The following NOS1 variants were observed in gnomAD, a reference collection of about 807,000 sequenced individuals.
NOS1 encodes NOS type I.
NOS1 carries 51 observed loss-of-function variants against 164.5 expected under a neutral mutation model. The ratio of observed to expected loss-of-function variants is 0.31; its 90% CI spans 0.25 to 0.39. NOS1 has a LOEUF of 0.39. Among genes scored for constraint, NOS1 ranks in the 10% least tolerant of loss-of-function variants. The probability of loss-of-function intolerance (pLI) is 1.00; values close to 1 mark genes in which losing one functional copy is unlikely to be tolerated. For missense variants in NOS1, 1,362 were observed against 1,885.6 expected (o/e 0.72, Z 5.14); for synonymous variants, 719 against 745.8 (o/e 0.96, Z 0.59).
chr12:117,346,581 G>T (rs1876361243), intron 1 of NOS1, among the ~76,000 whole-genome samples: 1 of 152,194 alleles, frequency 6.6e-6, no homozygotes, highest in African/African-American at 2.4e-5. Context: ...CTAATGCTTT[G>T]CTACCCAAAG....
chr12:117,337,104 C>CTATTTT lies in NOS1; in HGVS notation c.-420-5616_-420-5615insAAAATA, dbSNP rs1566082153. ...AGCCACTGTACCCAGCTGCTTTTTA[C>CTATTTT]TCTTTTTTTTTTTTTTTTTTTTTTT... is the stretch of plus-strand genomic sequence containing the variant. On this transcript the variant is annotated intron_variant, in intron 1 of 28. Coordinates refer to ENST00000317775, the MANE Select transcript of NOS1 (RefSeq NM_000620.5). Among the ~76,000 whole-genome samples the CTATTTT allele has an allele frequency of 7.4e-5, 7 of 94,072 alleles. 1 individual carries two copies. Among genetic ancestry groups the CTATTTT allele is most frequent in the African/African-American group, 7.8e-5 (2 of 25,536 alleles). The allele number at this position is 94,072 out of a possible 152,430, so 61.7% of individuals were successfully genotyped here.
In NOS1 at chr12:117,356,741, T is replaced by C. The variant is rs1441063431; in HGVS notation, c.-421+4771A>G. Among the ~76,000 whole-genome samples, 3 of 152,236 alleles carry C rather than the reference T, an allele frequency of 2.0e-5. No homozygotes were observed. The highest frequency in any genetic ancestry group is 4.8e-5 in the African/African-American group (2 of 41,456). ...GTCCACTATACCCTGTTAACCATAC[T>C]TGAATTAGAGACTTAGGGGCACTTT... is the stretch of plus-strand genomic sequence containing the variant. On this transcript the variant is annotated intron_variant, in intron 1 of 28. Coordinates refer to ENST00000317775, the MANE Select transcript of NOS1 (RefSeq NM_000620.5). The surrounding 1 kb of genome is among the most constrained non-coding windows in gnomAD (Gnocchi z 4.2).
Position 117,330,695 on chromosome 12 carries a change from G to C in NOS1, c.375C>G (p.Pro125=). The change falls in exon 2 of 29, where the codon CCC becomes CCG. Residue 125 remains proline (P), a synonymous_variant. Transcript: ENST00000317775. This position sits in a 1 kb window ranked among gnomAD's most constrained non-coding sequence, Gnocchi z 4.6. Reference sequence around the variant, plus strand: ...CCACGGCTTTGGTGGGGGGACCCAGGGGCTGTGTCACCCGGATGGTCTTGG... The same window carrying C: ...CCACGGCTTTGGTGGGGGGACCCAGCGGCTGTGTCACCCGGATGGTCTTGG... ...GTPKTIRVTQ[P]LGPPTKAVDL... is the part of the protein sequence containing the mutation. 6.2e-7 allele frequency: 1 copy of C among 1,613,760 alleles called. No individual in the cohort carries two copies. The highest frequency in any genetic ancestry group is 8.5e-7 in the Non-Finnish European group (1 of 1,179,844).
chr12:117,282,404 A>G (rs1370754904), intron 7 of NOS1, among the ~76,000 whole-genome samples: 4 of 152,126 alleles, frequency 2.6e-5, no homozygotes, highest in Admixed American at 6.5e-5. Context: ...CTCTTCTCAC[A>G]TATACATTTC....
At chr12:117,259,208 A>C in intron 14 of NOS1, 78 bp from the exon 15 acceptor site, 1 of 938,178 alleles carries the variant, frequency 1.1e-6, no homozygotes, top group Non-Finnish European at 1.7e-6. Context: ...GAGAGACAAA[A>C]AGTGATGGGG....
chr12:117,328,249 C>A (rs1321949506), intron 2 of NOS1, among the ~76,000 whole-genome samples: 1 of 152,182 alleles, frequency 6.6e-6, no homozygotes, highest in African/African-American at 2.4e-5. Flanking sequence ...CGGCTCACTG[C>A]AACCTCTGTC....
Position 117,215,300 on chromosome 12 carries a change from AG to A in NOS1, c.*8del. ...CAAAACTTGCAGCCGGCTGGGCAAG[AG>A]GGTCCAGTTAGGAGCTGAAAACCCT... On this transcript the variant is annotated 3_prime_UTR_variant, in exon 29 of 29. Transcript: ENST00000317775. 1.3e-6 allele frequency: 2 copies of A among 1,556,474 alleles called. No homozygotes were observed. The highest frequency in any genetic ancestry group is 1.2e-5 in the South Asian group (1 of 81,794).
chr12:117,301,249 T>C (rs1044494705), intron 3 of NOS1, among the ~76,000 whole-genome samples: 2 of 152,138 alleles, frequency 1.3e-5, no homozygotes, highest in Admixed American at 6.5e-5. Flanking sequence ...TGCCTCAGCC[T>C]CCCAAGTAGC....
chr12:117,225,036 T>C lies in NOS1; in HGVS notation c.3806A>G (p.Gln1269Arg). Residue 1269 changes from glutamine to arginine, a missense_variant, in exon 25 of 29, where the codon CAA becomes CGA. Transcript: ENST00000317775. ...CCCACCTTTGTGTTGGATATCAAATTGCCGCTGTTGCCAGAAGCTTCGGAA... is the reference window on the plus strand; with the variant it reads ...CCCACCTTTGTGTTGGATATCAAATCGCCGCTGTTGCCAGAAGCTTCGGAA... ...APFRSFWQQR[Q>R]FDIQHKGMNP... 1 of 1,614,170 alleles carries C rather than the reference T, an allele frequency of 6.2e-7. No homozygotes were observed. The highest frequency in any genetic ancestry group is 2.2e-5 in the East Asian group (1 of 44,880).
chr12:117,265,271 G>A (rs1486273938), intron 12 of NOS1, 45 bp downstream of exon 12: 3 of 1,471,554 alleles, frequency 2.0e-6, no homozygotes, highest in Non-Finnish European at 1.8e-6. Flanking sequence ...ACACACACCA[G>A]ATACAGGACA....
chr12:117,295,865 G>A (rs1214637224), intron 3 of NOS1, among the ~76,000 whole-genome samples: 1 of 151,446 alleles, frequency 6.6e-6, no homozygotes, highest in African/African-American at 2.4e-5. Flanking sequence ...CTGACCTCAG[G>A]TGATCTGCCC....
In NOS1 at chr12:117,321,096, G is replaced by A. The variant is rs538502684; in HGVS notation, c.725+9249C>T. On this transcript the variant is annotated intron_variant, in intron 2 of 28. Coordinates refer to ENST00000317775, the MANE Select transcript of NOS1 (RefSeq NM_000620.5). ...ACGGTCTCGGCTCACGGCAGCCTCTGCCTCCCGAGTTCAAGCGATTCTCCT... is the reference window on the plus strand; with the variant it reads ...ACGGTCTCGGCTCACGGCAGCCTCTACCTCCCGAGTTCAAGCGATTCTCCT... Among the ~76,000 whole-genome samples the A allele has an allele frequency of 4.6e-5, 7 of 152,158 alleles. No individual in the cohort carries two copies. In the South Asian group the frequency reaches 1.2e-3, roughly 27 times the overall value.
chr12:117,209,531 A>T lies in NOS1; in HGVS notation c.*5778T>A, dbSNP rs1956496226. On this transcript the variant is annotated 3_prime_UTR_variant, in exon 29 of 29. Transcript: ENST00000317775. ...AGATTTGTTCCCGCCTGCCAGGGCC[A>T]TCTCGTTAATAACGGACTGTGTTTT... 1.0e-6 allele frequency: 1 copy of T among 985,400 alleles called. No homozygotes were observed. Among genetic ancestry groups the T allele is most frequent in the African/African-American group, 1.7e-5 (1 of 57,262 alleles). 61.0% of individuals were successfully genotyped at this position (985,400 alleles called of 1,614,324 possible). A position where few individuals can be genotyped will look rare whatever the true frequency, so the allele number is the denominator to read the frequency against.
Position 117,227,660 on chromosome 12 carries a change from C to A in NOS1, c.3406-19G>T. ...GCAAACCCTGTGCCAAGGAGATGGA[C>A]AGAGACAAGCTTGAACCCAGCTGCC... On this transcript the variant is annotated intron_variant, in intron 22 of 28. Transcript: ENST00000317775. 6.2e-7 allele frequency: 1 copy of A among 1,612,936 alleles called. No individual in the cohort carries two copies. Among genetic ancestry groups the A allele is most frequent in the Non-Finnish European group, 8.5e-7 (1 of 1,178,978 alleles).
intron 20 of NOS1, among the ~76,000 whole-genome samples, chr12:117,241,787 C>G (rs1439886617): frequency 3.9e-5 from 6 of 152,202 alleles, no homozygotes; most frequent in Non-Finnish European, 8.8e-5. Flanking sequence ...CGATCTCAGG[C>G]AGCATTAGCG....
At chr12:117,302,218 C>T (rs1206134289) in intron 3 of NOS1, 1 of 396,632 alleles carries the variant, frequency 2.5e-6, no homozygotes, top group Admixed American at 2.8e-5. Flanking sequence ...TTATCTCATA[C>T]ATTATCTCAT....
Position 117,213,159 on chromosome 12 carries a change from A to C in NOS1, c.*2150T>G. On this transcript the variant is annotated 3_prime_UTR_variant, in exon 29 of 29. Transcript: ENST00000317775. ...CTGATGGAAAAGCATTCCTGCATAA[A>C]GCTTGACTTGGAGTGGGAAGCACTG... 7 of 985,472 alleles carry C rather than the reference A, an allele frequency of 7.1e-6. No individual in the cohort carries two copies. Among genetic ancestry groups the C allele is most frequent in the Non-Finnish European group, 8.4e-6 (7 of 829,950 alleles). 61.0% of individuals were successfully genotyped at this position (985,472 alleles called of 1,614,324 possible).
chr12:117,255,374 T>C (rs961155750), intron 16 of NOS1, among the ~76,000 whole-genome samples: 12 of 150,722 alleles, frequency 8.0e-5, no homozygotes, highest in Admixed American at 7.9e-4. Flanking sequence ...ACAAATCTAA[T>C]TACAAAAAAT....
At chr12:117,325,861 C>T (rs1046210117) in intron 2 of NOS1, among the ~76,000 whole-genome samples, 12 of 152,268 alleles carry the variant, frequency 7.9e-5, no homozygotes, top group Middle Eastern at 3.4e-3. Context: ...CCAGTGCAGT[C>T]GTGTCTGAGC....
Sources: allele counts gnomAD v4.1 joint callset (sites outside exome capture counted in the v4.1 genomes callset), GRCh38; gene constraint gnomAD v4.1.1; non-coding constraint Gnocchi (gnomAD v3.1); transcripts MANE v1.5; gene names NCBI Gene and HGNC (gene_info 2026-07-23, HGNC 2026-07-21).